The following FAT3 variants were observed in gnomAD, a reference collection of about 807,000 sequenced individuals.
FAT3 encodes FAT atypical cadherin 3.
A neutral mutation model predicts 310.2 loss-of-function variants in FAT3; 95 were observed. The observed-to-expected ratio is 0.31, with a 90% CI of 0.26 to 0.36. The LOEUF (loss-of-function observed/expected upper bound fraction) is 0.36. Ranked by LOEUF, FAT3 falls within the 10% of genes least tolerant of loss-of-function variation. The pLI, the probability that FAT3 is intolerant of heterozygous loss-of-function variation, is 1.00. For synonymous variants in FAT3, 2,314 were observed against 2,192.9 expected, an observed-to-expected ratio of 1.06 and a Z score of -1.54; for missense variants, 5,408 against 5,715.6, an observed-to-expected ratio of 0.95 and a Z score of 1.74.
intron 1 of FAT3, among the ~76,000 whole-genome samples, chr11:92,226,138 T>C (rs1480960411): frequency 6.6e-6 from 1 of 151,652 alleles, no homozygotes; most frequent in African/African-American, 2.4e-5. Context: ...GGGGAGGCAG[T>C]AGAGGTGGCC....
intron 5 of FAT3, 134 bp from the exon 6 acceptor site, chr11:92,764,745 C>G: frequency 1.3e-6 from 1 of 776,856 alleles, no homozygotes; most frequent in Non-Finnish European, 2.0e-6. Context: ...ACTCCCCAGA[C>G]CTCTGCTCCT....
chr11:92,515,857 C>T (rs1191132308), intron 2 of FAT3, among the ~76,000 whole-genome samples: 1 of 152,032 alleles, frequency 6.6e-6, no homozygotes, highest in Non-Finnish European at 1.5e-5. Context: ...GGTTGTAATA[C>T]TGTCTCTGTT....
intron 1 of FAT3, among the ~76,000 whole-genome samples, chr11:92,289,147 T>G (rs1244436175): frequency 6.6e-6 from 1 of 152,160 alleles, no homozygotes; most frequent in Admixed American, 6.6e-5. Context: ...GCAGGTGTTC[T>G]GTAAGTTATC....
chr11:92,319,722 T>G (rs1947558978), intron 1 of FAT3, among the ~76,000 whole-genome samples: 1 of 152,180 alleles, frequency 6.6e-6, no homozygotes, highest in African/African-American at 2.4e-5. Context: ...GATGCATGTT[T>G]AGGAGATAAG....
intron 4 of FAT3, chr11:92,748,832 G>C (rs894323816): frequency 3.3e-5 from 5 of 152,176 alleles, no homozygotes; most frequent in African/African-American, 1.2e-4. Context: ...CGCAAGTTAA[G>C]TTTAGTTCAA....
chr11:92,525,026 C>CA, intron 3 of FAT3, 78 bp downstream of exon 3: 1 of 1,193,990 alleles, frequency 8.4e-7, no homozygotes, highest in East Asian at 2.4e-5. Context: ...TTTCTGTACT[C>CA]ATTTACTTTA....
chr11:92,799,590 G>A lies in FAT3; in HGVS notation c.6577G>A (p.Ala2193Thr), dbSNP rs756502192. ...TGTGTTTGATAAGCCCTTTTATACA[G>A]CATCTGTCAATGAAGACATCAGAAT... ...MPVFDKPFYT[A>T]SVNEDIRMNT... Residue 2193 changes from alanine (A) to threonine (T), a missense_variant, in exon 10 of 28, where the codon GCA becomes ACA. Around this residue, in one of 5 missense-constraint regions of FAT3, gnomAD observed 4,588 missense variants for 4,809.8 expected, o/e 0.95. Transcript: ENST00000525166. 1.2e-6 allele frequency: 2 copies of A among 1,613,734 alleles called. No homozygotes were observed. Among genetic ancestry groups the A allele is most frequent in the African/African-American group, 1.3e-5 (1 of 75,004 alleles).
chr11:92,278,778 T>G (rs1946346543), intron 1 of FAT3, among the ~76,000 whole-genome samples: 2 of 152,188 alleles, frequency 1.3e-5, no homozygotes, highest in African/African-American at 4.8e-5. Flanking sequence ...CATCTTAGGT[T>G]TCCTGTCATT....
intron 2 of FAT3, among the ~76,000 whole-genome samples, chr11:92,499,911 A>G (rs1952886916): frequency 6.6e-6 from 1 of 152,058 alleles, no homozygotes. Context: ...TGGAGTATTA[A>G]TTCTCAGGGT....
intron 3 of FAT3, among the ~76,000 whole-genome samples, chr11:92,563,594 C>A (rs190205369): frequency 3.9e-5 from 6 of 152,178 alleles, no homozygotes; most frequent in African/African-American, 1.2e-4. Context: ...TCAAGAAATT[C>A]TTGAGACTGA....
At position 92,314,474 on chromosome 11, in the gene FAT3, G is replaced by A. The variant is rs143408626; in HGVS notation, c.-17-37622G>A. On this transcript the variant is annotated intron_variant, in intron 1 of 27. Coordinates refer to ENST00000525166, the MANE Select transcript of FAT3 (RefSeq NM_001367949.2). ...AGTAGAGGGGTAAGTATATACTGTA[G>A]GCTTTTTTGTTTGCTTTTATTGTCT... Among the ~76,000 whole-genome samples, 104 of 152,256 alleles carry A rather than the reference G, an allele frequency of 6.8e-4. 1 individual carries two copies. Among genetic ancestry groups the A allele is most frequent in the African/African-American group, 2.5e-3 (103 of 41,548 alleles).
At chr11:92,488,452 C>CCCCA (rs1591358474) in intron 2 of FAT3, among the ~76,000 whole-genome samples, 1 of 73,328 alleles carries the variant, frequency 1.4e-5, no homozygotes, top group Non-Finnish European at 2.8e-5. Flanking sequence ...CTAGCACCGC[C>CCCCA]CCCCCCCCCG....
intron 2 of FAT3, chr11:92,406,791 A>T (rs569665310): frequency 6.6e-6 from 1 of 152,310 alleles, no homozygotes; most frequent in Non-Finnish European, 1.5e-5. Context: ...TCCAGATTGC[A>T]GGTATCTCTG....
At chr11:92,758,714 A>T (rs541403978) in intron 4 of FAT3, among the ~76,000 whole-genome samples, 1 of 152,212 alleles carries the variant, frequency 6.6e-6, no homozygotes, top group Non-Finnish European at 1.5e-5. Flanking sequence ...CCAGGAGGCT[A>T]CTGTGGCCAT....
intron 1 of FAT3, among the ~76,000 whole-genome samples, chr11:92,313,054 T>C (rs1947351258): frequency 6.6e-6 from 1 of 152,346 alleles, no homozygotes; most frequent in Non-Finnish European, 1.5e-5. Context: ...TCTTTATGAC[T>C]ATAATCAATT....
At chr11:92,763,466 G>T (rs1304756216) in intron 5 of FAT3, among the ~76,000 whole-genome samples, 2 of 152,126 alleles carry the variant, frequency 1.3e-5, no homozygotes, top group African/African-American at 4.8e-5. Context: ...GATACTGTTG[G>T]TGTCCTGCCC....
intron 3 of FAT3, among the ~76,000 whole-genome samples, chr11:92,604,421 A>C (rs1392692137): frequency 2.0e-5 from 3 of 152,194 alleles, no homozygotes; most frequent in Non-Finnish European, 4.4e-5. Flanking sequence ...TAAATGACAC[A>C]AGGATTATCT....
At position 92,751,909 on chromosome 11, in the gene FAT3, T is replaced by C. The variant is rs146251583; in HGVS notation, c.3670-9947T>C. Among the ~76,000 whole-genome samples the C allele has an allele frequency of 7.8e-4, 119 of 152,128 alleles. 1 individual carries two copies. The highest frequency in any genetic ancestry group is 2.6e-3 in the African/African-American group (108 of 41,514). Reference sequence around the variant, plus strand: ...TATTCTTAACGTCTAAGCCTCACCGTCTCCAGCTGCAGAATAGAAATGGCA... The same window carrying C: ...TATTCTTAACGTCTAAGCCTCACCGCCTCCAGCTGCAGAATAGAAATGGCA... On this transcript the variant is annotated intron_variant, in intron 4 of 27. Transcript: ENST00000525166.
chr11:92,362,908 T>A lies in FAT3; in HGVS notation c.3292+7504T>A, dbSNP rs533153994. Among the ~76,000 whole-genome samples, 232 of 152,362 alleles carry A rather than the reference T, an allele frequency of 1.5e-3. 1 individual carries two copies. Among genetic ancestry groups the A allele is most frequent in the Non-Finnish European group, 2.5e-3 (172 of 68,046 alleles). ...CAGTAGAGAGATAATAATTATCCAA[T>A]GCTTTTTTAACAAGGTAAGAAAGTG... On this transcript the variant is annotated intron_variant, in intron 2 of 27. Coordinates refer to ENST00000525166, the MANE Select transcript of FAT3 (RefSeq NM_001367949.2).
Sources: gnomAD v4.1 joint callset for allele counts (sites outside exome capture counted in the v4.1 genomes callset) on GRCh38, gnomAD v4.1.1 for gene constraint, gnomAD v4.1.1 regional missense constraint, MANE v1.5 for transcripts, NCBI Gene and HGNC (gene_info 2026-07-23, HGNC 2026-07-21) for gene names.